DENND6A: variants seen among roughly 807,000 people sequenced by gnomAD.
DENND6A encodes the protein protein DENND6A.
In DENND6A, 43 loss-of-function variants were observed where a neutral mutation model predicts 95.5. The ratio of observed to expected loss-of-function variants is 0.45; its 90% confidence interval spans 0.35 to 0.58. The LOEUF is 0.58. Ranked by LOEUF, DENND6A falls within the 20% of genes least tolerant of loss-of-function variation. The probability of loss-of-function intolerance (pLI) is 0.00; values close to 1 mark genes in which losing one functional copy is unlikely to be tolerated. For missense variants in DENND6A, 574 were observed against 736.0 expected, an observed-to-expected ratio of 0.78 and a Z score of 2.55; for synonymous variants, 257 against 260.4, an observed-to-expected ratio of 0.99 and a Z score of 0.13.
At chr3:57,652,290 A>G (rs1394567499) in intron 9 of DENND6A, among the ~76,000 whole-genome samples, 1 of 152,208 alleles carries the variant, frequency 6.6e-6, no homozygotes, top group Non-Finnish European at 1.5e-5. Flanking sequence ...TTGTGAGAAC[A>G]TTAGGCAGCC....
intron 15 of DENND6A, 100 bp downstream of exon 15, chr3:57,633,165 A>C (rs2070722649): frequency 9.8e-7 from 1 of 1,016,388 alleles, no homozygotes; most frequent in South Asian, 1.5e-5. Flanking sequence ...CCAGGCTGGC[A>C]AAACACACAA....
At chr3:57,662,030 ATT>A (rs35871007) in intron 5 of DENND6A, among the ~76,000 whole-genome samples, 3,553 of 147,560 alleles carry the variant, frequency 0.024, 61 homozygotes, top group Non-Finnish European at 0.031. Flanking sequence ...ATTTTTAAAC[ATT>A]TTTTTTTTTT....
intron 1 of DENND6A, among the ~76,000 whole-genome samples, chr3:57,673,458 G>A (rs549876101): frequency 6.6e-6 from 1 of 152,038 alleles, no homozygotes; most frequent in East Asian, 1.9e-4. Flanking sequence ...AATAAAGAAC[G>A]GTTAAGGGCT....
intron 3 of DENND6A, among the ~76,000 whole-genome samples, chr3:57,667,164 G>A (rs558289543): frequency 6.6e-6 from 1 of 152,244 alleles, no homozygotes; most frequent in South Asian, 2.1e-4. Context: ...GAGTAGCTGG[G>A]ATTACAGGTG....
At chr3:57,643,444 TAG>T (rs2070995134) in intron 11 of DENND6A, among the ~76,000 whole-genome samples, 1 of 152,290 alleles carries the variant, frequency 6.6e-6, no homozygotes, top group East Asian at 1.9e-4. Flanking sequence ...CCTGGTTATA[TAG>T]GTCTGGACCT....
intron 17 of DENND6A, 67 bp from the exon 18 acceptor site, chr3:57,630,590 C>G (rs745690820): frequency 1.6e-5 from 25 of 1,527,410 alleles, no homozygotes; most frequent in Non-Finnish European, 2.0e-5. Flanking sequence ...AATACCTTTC[C>G]TAGTCAGAGA....
At chr3:57,672,805 A>T (rs748994031) in intron 1 of DENND6A, among the ~76,000 whole-genome samples, 17 of 151,734 alleles carry the variant, frequency 1.1e-4, no homozygotes, top group African/African-American at 2.2e-4. Context: ...CAAACAAAAA[A>T]ATATATATAT....
At chr3:57,640,622 C>T (rs2070909086) in intron 12 of DENND6A, among the ~76,000 whole-genome samples, 1 of 152,052 alleles carries the variant, frequency 6.6e-6, no homozygotes, top group South Asian at 2.1e-4. Context: ...TAGAAAATAA[C>T]TTTATAATCC....
chr3:57,631,377 G>A (rs981663051), intron 15 of DENND6A, among the ~76,000 whole-genome samples: 1 of 151,950 alleles, frequency 6.6e-6, no homozygotes, highest in African/African-American at 2.4e-5. Flanking sequence ...TGTATTTTTA[G>A]TAGAGATGGG....
chr3:57,659,109 C>A lies in DENND6A; in HGVS notation c.762+9G>T, dbSNP rs768639789. 4 of 1,613,774 alleles carry A rather than the reference C, an allele frequency of 2.5e-6. No homozygotes were observed. Among genetic ancestry groups the A allele is most frequent in the Non-Finnish European group, 3.4e-6 (4 of 1,179,850 alleles). ...TGTGCTGGATCATTCTACCATAGTA[C>A]CACACTACCTGCTGAGTTAACTGCA... On this transcript the variant is annotated intron_variant, in intron 8 of 19. Transcript: ENST00000311128.
chr3:57,631,149 T>A, intron 15 of DENND6A, 171 bp from the exon 16 acceptor site: 1 of 589,640 alleles, frequency 1.7e-6, no homozygotes, highest in South Asian at 2.4e-5. Flanking sequence ...ACTTGGGAAG[T>A]CAGATTTCAA....
chr3:57,690,511 A>ACT (rs1003346024), intron 1 of DENND6A, among the ~76,000 whole-genome samples: 3 of 150,870 alleles, frequency 2.0e-5, no homozygotes, highest in Non-Finnish European at 4.4e-5. Context: ...ACAGAGCAAG[A>ACT]CTCTCTCTCT....
At chr3:57,666,885 A>C (rs2071532414) in intron 3 of DENND6A, among the ~76,000 whole-genome samples, 1 of 152,212 alleles carries the variant, frequency 6.6e-6, no homozygotes, top group African/African-American at 2.4e-5. Flanking sequence ...ACGATCACTA[A>C]GAAAACTAAA....
chr3:57,680,471 C>T (rs1479873327), intron 1 of DENND6A, among the ~76,000 whole-genome samples: 1 of 152,202 alleles, frequency 6.6e-6, no homozygotes, highest in Non-Finnish European at 1.5e-5. Flanking sequence ...TGCAAAGACA[C>T]TGCCAGAAGG....
rs780904989 is a variant in DENND6A, at chr3:57,628,174, T to C, written c.*40A>G. 1 of 1,596,172 alleles carries C rather than the reference T, an allele frequency of 6.3e-7. No individual in the cohort carries two copies. ...CTGGTTGAAATGTCAGTATGCTTCATGATGCATAATCCTTTTTGGCTGGAA... is the reference window on the plus strand; with the variant it reads ...CTGGTTGAAATGTCAGTATGCTTCACGATGCATAATCCTTTTTGGCTGGAA... On this transcript the variant is annotated 3_prime_UTR_variant, in exon 20 of 20. Coordinates refer to ENST00000311128, the MANE Select transcript of DENND6A (RefSeq NM_152678.3).
chr3:57,652,912 C>G (rs1329285776), intron 9 of DENND6A, among the ~76,000 whole-genome samples: 1 of 152,200 alleles, frequency 6.6e-6, no homozygotes, highest in Admixed American at 6.5e-5. Context: ...TGAGATGTGA[C>G]AGCTACATGC....
At position 57,628,179 on chromosome 3, in the gene DENND6A, C is replaced by T. The variant is rs200664403; in HGVS notation, c.*35G>A. 1 of 1,603,270 alleles carries T rather than the reference C, an allele frequency of 6.2e-7. No homozygotes were observed. Among genetic ancestry groups the T allele is most frequent in the Non-Finnish European group, 8.5e-7 (1 of 1,174,022 alleles). ...TGAAATGTCAGTATGCTTCATGATGCATAATCCTTTTTGGCTGGAAAATCT... is the reference window on the plus strand; with the variant it reads ...TGAAATGTCAGTATGCTTCATGATGTATAATCCTTTTTGGCTGGAAAATCT... On this transcript the variant is annotated 3_prime_UTR_variant, in exon 20 of 20. Coordinates refer to ENST00000311128, the MANE Select transcript of DENND6A (RefSeq NM_152678.3).
intron 9 of DENND6A, among the ~76,000 whole-genome samples, chr3:57,656,177 G>A (rs1280102594): frequency 6.6e-6 from 1 of 152,116 alleles, no homozygotes; most frequent in Non-Finnish European, 1.5e-5. Flanking sequence ...CAGCCCTTAT[G>A]TAGTAGATTT....
intron 1 of DENND6A, among the ~76,000 whole-genome samples, chr3:57,690,904 G>C (rs1336313573): frequency 6.6e-6 from 1 of 152,098 alleles, no homozygotes; most frequent in Admixed American, 6.5e-5. Context: ...CCTTTTCCTA[G>C]TGGAAAATTC....
Sources: allele counts gnomAD v4.1 joint callset (sites outside exome capture counted in the v4.1 genomes callset), GRCh38; gene constraint gnomAD v4.1.1; transcripts MANE v1.5; gene names NCBI Gene and HGNC (gene_info 2026-07-23, HGNC 2026-07-21).